Variants in TBPL1 observed in about 807,000 individuals in gnomAD.
The protein encoded by TBPL1 is TATA box-binding protein-like 1.
A neutral mutation model predicts 22.1 loss-of-function variants in TBPL1; 4 were observed. The observed-to-expected ratio is 0.18, with a 90% confidence interval of 0.09 to 0.41. The LOEUF (loss-of-function observed/expected upper bound fraction) is 0.41. Among genes scored for constraint, TBPL1 ranks in the 10% least tolerant of loss-of-function variants. The probability of loss-of-function intolerance (pLI) is 1.00; values close to 1 mark genes in which losing one functional copy is unlikely to be tolerated. For synonymous variants in TBPL1, 64 were observed against 71.0 expected (o/e 0.90, Z 0.50); for missense variants, 115 against 222.3 (o/e 0.52, Z 3.07).
At chr6:133,978,435 A>C (rs1332058444) in intron 1 of TBPL1, among the ~76,000 whole-genome samples, 1 of 152,202 alleles carries the variant, frequency 6.6e-6, no homozygotes, top group African/African-American at 2.4e-5. Flanking sequence ...ATAGCTATTA[A>C]GTGGTGAGTC....
intron 1 of TBPL1, among the ~76,000 whole-genome samples, chr6:133,975,305 A>T (rs545271523): frequency 6.6e-6 from 1 of 152,162 alleles, no homozygotes; most frequent in Non-Finnish European, 1.5e-5. Flanking sequence ...TAAATTTTAA[A>T]ATTTAGAAGA....
chr6:133,987,180 T>C lies in TBPL1; in HGVS notation c.*140T>C, dbSNP rs905972586. On this transcript the variant is annotated 3_prime_UTR_variant, in exon 7 of 7. Coordinates refer to ENST00000237264, the MANE Select transcript of TBPL1 (RefSeq NM_004865.4). ...TTCACGGCTACAGTGTAAGCTCCAG[T>C]CCCTTTGGATTTTATTCCAAACCTT... 2.0e-6 allele frequency: 1 copy of C among 489,920 alleles called. No homozygotes were observed. The highest frequency in any genetic ancestry group is 3.5e-6 in the Non-Finnish European group (1 of 283,914). The allele number at this position is 489,920 out of a possible 1,614,324, so 30.3% of individuals were successfully genotyped here.
At chr6:133,963,499 AC>A (rs1345089845) in intron 1 of TBPL1, among the ~76,000 whole-genome samples, 5 of 152,114 alleles carry the variant, frequency 3.3e-5, no homozygotes, top group Admixed American at 6.5e-5. Context: ...ATCATAACTC[AC>A]TGCAGCCTTG....
chr6:133,975,869 A>G (rs1462486553), intron 1 of TBPL1, among the ~76,000 whole-genome samples: 3 of 152,182 alleles, frequency 2.0e-5, no homozygotes, highest in African/African-American at 7.2e-5. Flanking sequence ...AAGCTGAATG[A>G]TAGGTACGTA....
rs948668224 is a variant in TBPL1 at position 133,989,246 on chromosome 6, C to T, written c.*2206C>T. On this transcript the variant is annotated 3_prime_UTR_variant, in exon 7 of 7. Coordinates refer to ENST00000237264, the MANE Select transcript of TBPL1 (RefSeq NM_004865.4). ...TATGTACAAGTTGTAAGTATTTCCC[C>T]CTTTTTATTTTTGAAAATCAAGAAG... 2 of 151,950 alleles carry T rather than the reference C, an allele frequency of 1.3e-5. No individual in the cohort carries two copies. The highest frequency in any genetic ancestry group is 4.8e-5 in the African/African-American group (2 of 41,380). The allele number at this position is 151,950 out of a possible 1,614,324, so 9.4% of individuals were successfully genotyped here.
In TBPL1 at chr6:133,989,286, G is replaced by C. The variant is rs1776585659; in HGVS notation, c.*2246G>C. 6.6e-6 allele frequency: 1 copy of C among 151,950 alleles called. No homozygotes were observed. 9.4% of individuals were successfully genotyped at this position (151,950 alleles called of 1,614,324 possible). On this transcript the variant is annotated 3_prime_UTR_variant, in exon 7 of 7. Coordinates refer to ENST00000237264, the MANE Select transcript of TBPL1 (RefSeq NM_004865.4). ...AAATCAAGAAGCTTGATTTGGTGTG[G>C]TGCAATGGATATTGGATAAAAATTT...
chr6:133,953,170 C>T (rs894531834), upstream of TBPL1: 3 of 152,668 alleles, frequency 2.0e-5, no homozygotes, highest in African/African-American at 4.8e-5. Context: ...CGCGCACTGT[C>T]TCTATGCTCC....
At chr6:133,968,459 A>G (rs72982272) in intron 1 of TBPL1, among the ~76,000 whole-genome samples, 3,837 of 152,286 alleles carry the variant, frequency 0.025, 80 homozygotes, top group African/African-American at 0.053. Context: ...TTTATCCACA[A>G]TAGTATATTA....
intron 1 of TBPL1, among the ~76,000 whole-genome samples, chr6:133,971,642 G>A (rs1330415419): frequency 6.6e-6 from 1 of 151,828 alleles, no homozygotes; most frequent in Non-Finnish European, 1.5e-5. Flanking sequence ...GGAGTGAGGT[G>A]GTATCTCATT....
chr6:133,980,978 T>A (rs937189293), intron 2 of TBPL1, among the ~76,000 whole-genome samples: 11 of 143,462 alleles, frequency 7.7e-5, no homozygotes, highest in Non-Finnish European at 1.7e-4. Flanking sequence ...TTTTTTTTTT[T>A]TTTTTTTTGA....
chr6:133,973,484 A>T (rs1017696844), intron 1 of TBPL1, among the ~76,000 whole-genome samples: 1 of 152,156 alleles, frequency 6.6e-6, no homozygotes, highest in African/African-American at 2.4e-5. Context: ...GACAGGGTTT[A>T]TTGTGGCCTT....
At chr6:133,984,500 A>T in intron 5 of TBPL1, 21 bp downstream of exon 5, 1 of 1,611,624 alleles carries the variant, frequency 6.2e-7, no homozygotes, top group South Asian at 1.1e-5. Context: ...GAAGCAATTT[A>T]TCTTGAGAAA....
At chr6:133,964,395 A>C (rs2114337139) in intron 1 of TBPL1, among the ~76,000 whole-genome samples, 1 of 150,178 alleles carries the variant, frequency 6.7e-6, no homozygotes. Context: ...TGTTTTTTAA[A>C]CCAGAAATGT....
chr6:133,981,220 C>T lies in TBPL1; in HGVS notation c.135+960C>T, dbSNP rs372415362. On this transcript the variant is annotated intron_variant, in intron 2 of 6. Coordinates refer to ENST00000237264, the MANE Select transcript of TBPL1 (RefSeq NM_004865.4). ...TCTCTTGACCTTGTGATCCACCCAC[C>T]TCAGCCTTCCAAAGTACTGGGATTA... is the stretch of plus-strand genomic sequence containing the variant. 2.0e-5 allele frequency among the ~76,000 whole-genome samples: 3 copies of T among 152,218 alleles called. No homozygotes were observed. The East Asian group carries it at 5.8e-4, about 29-fold the overall frequency.
rs1242000196 is a variant in TBPL1 at position 133,984,834 on chromosome 6, T to C, written c.481+163T>C. On this transcript the variant is annotated intron_variant, in intron 6 of 6. Transcript: ENST00000237264. ...AACACTAGATGCATTTTGCCTACTT[T>C]TGTACTATTTATAAATGTTACACTT... 5.0e-6 allele frequency: 3 copies of C among 596,396 alleles called. No individual in the cohort carries two copies. In the African/African-American group the frequency reaches 5.6e-5, roughly 11 times the overall value. 36.9% of individuals were successfully genotyped at this position (596,396 alleles called of 1,614,324 possible).
At chr6:133,971,021 A>G (rs1363219897) in intron 1 of TBPL1, among the ~76,000 whole-genome samples, 2 of 152,212 alleles carry the variant, frequency 1.3e-5, no homozygotes, top group African/African-American at 2.4e-5. Context: ...ACTGTGCAAC[A>G]GAACACCATA....
intron 1 of TBPL1, among the ~76,000 whole-genome samples, chr6:133,961,491 C>T (rs556337767): frequency 2.0e-4 from 25 of 123,188 alleles, no homozygotes; most frequent in South Asian, 1.0e-3. Flanking sequence ...TTTTTTGAGA[C>T]GGAGTCGTGC....
intron 1 of TBPL1, among the ~76,000 whole-genome samples, chr6:133,970,526 A>G (rs923938472): frequency 6.6e-6 from 1 of 152,148 alleles, no homozygotes; most frequent in African/African-American, 2.4e-5. Context: ...AGAAATTATT[A>G]TGGAAACTTT....
At chr6:133,959,310 G>C (rs934863460) in intron 1 of TBPL1, among the ~76,000 whole-genome samples, 2 of 152,050 alleles carry the variant, frequency 1.3e-5, no homozygotes, top group African/African-American at 2.4e-5. Context: ...GGAGTGCTGG[G>C]ATTATGGGCA....
Sources: allele counts gnomAD v4.1 joint callset (sites outside exome capture counted in the v4.1 genomes callset), GRCh38; gene constraint gnomAD v4.1.1; transcripts MANE v1.5; gene names NCBI Gene and HGNC (gene_info 2026-07-23, HGNC 2026-07-21).